The following NOL8 variants were observed in gnomAD, a reference collection of about 807,000 sequenced individuals.
NOL8 encodes nucleolar protein 8.
NOL8 carries 93 observed loss-of-function variants against 116.1 expected under a neutral mutation model. That is an observed-to-expected ratio of 0.80 (90% CI 0.68 to 0.95). The LOEUF is 0.95. Among genes scored for constraint, NOL8 ranks in the 40% least tolerant of loss-of-function variants. The pLI, the probability that NOL8 is intolerant of heterozygous loss-of-function variation, is 0.00. For missense variants in NOL8, 1,291 were observed against 1,382.8 expected (o/e 0.93, Z 1.05); for synonymous variants, 419 against 469.0 (o/e 0.89, Z 1.38).
At position 92,314,945 on chromosome 9, in the gene NOL8, T is replaced by C; in HGVS notation, c.1680A>G (p.Lys560=). 2 of 1,613,954 alleles carry C rather than the reference T, an allele frequency of 1.2e-6. No homozygotes were observed. Among genetic ancestry groups the C allele is most frequent in the Non-Finnish European group, 1.7e-6 (2 of 1,179,890 alleles). ...EGEENTCGKQ[K]PKENNLKPKF... is the part of the protein sequence containing the mutation. ...TTGGCTTTAAATTGTTTTCCTTTGGTTTCTGTTTGCCACAGGTGTTCTCCT... is the reference window on the plus strand; with the variant it reads ...TTGGCTTTAAATTGTTTTCCTTTGGCTTCTGTTTGCCACAGGTGTTCTCCT... Residue 560 remains lysine (K), a synonymous_variant, in exon 7 of 17, where the codon AAA becomes AAG. Transcript: ENST00000442668.
At position 92,310,672 on chromosome 9, in the gene NOL8, A is replaced by G. The variant is rs1235917208; in HGVS notation, c.2476T>C (p.Ser826Pro). 1 of 1,599,968 alleles carries G rather than the reference A, an allele frequency of 6.3e-7. No individual in the cohort carries two copies. Among genetic ancestry groups the G allele is most frequent in the Middle Eastern group, 1.7e-4 (1 of 5,978 alleles). ...AGCTTCCCTGATGTTTTACCCATAG[A>G]CTCCTGTGAAGAAACACAACATTTA... ...SHPGEEWVKE[S>P]MGKTSGKLFD... Residue 826 changes from serine (S) to proline (P), a missense_variant, in exon 9 of 17, where the codon TCT becomes CCT. Transcript: ENST00000442668.
chr9:92,322,408 G>C (rs941281789), intron 3 of NOL8, among the ~76,000 whole-genome samples: 2 of 152,124 alleles, frequency 1.3e-5, no homozygotes, highest in African/African-American at 4.8e-5. Flanking sequence ...TGTCGCCCAG[G>C]CTGGAGTGCA....
chr9:92,306,909 T>A lies in NOL8; in HGVS notation c.2802A>T (p.Gly934=). The A allele has an allele frequency of 6.2e-7, 1 of 1,613,024 alleles. No individual in the cohort carries two copies. The highest frequency in any genetic ancestry group is 8.5e-7 in the Non-Finnish European group (1 of 1,179,432). ...QINLSNSTNR[G]SVAAKKFKDI... ...ACTTAAATTTCTTAGCAGCTACTGATCCTCTGTTTGTAGAATTGCTTAAGT... is the reference window on the plus strand; with the variant it reads ...ACTTAAATTTCTTAGCAGCTACTGAACCTCTGTTTGTAGAATTGCTTAAGT... The change falls in exon 11 of 17, where the codon GGA becomes GGT. Residue 934 remains glycine, a synonymous_variant. Transcript: ENST00000442668.
intron 14 of NOL8, 39 bp downstream of exon 14, chr9:92,299,851 A>G (rs1351841257): frequency 1.9e-6 from 3 of 1,598,622 alleles, no homozygotes; most frequent in Non-Finnish European, 2.6e-6. Context: ...CAGATTTTAC[A>G]AATTATGAAC....
chr9:92,314,771 T>C lies in NOL8; in HGVS notation c.1854A>G (p.Pro618=), dbSNP rs1197469534. The stretch of plus-strand genomic sequence containing the variant: ...CTTCACCTAATGAGCCATTAACATA[T>C]GGGGACCCATCTTCCATGGATATGA... ...PSIISMEDGS[P]YVNGSLGEVT... Residue 618 remains proline (P), a synonymous_variant, in exon 7 of 17, where the codon CCA becomes CCG. Transcript: ENST00000442668. The C allele has an allele frequency of 1.1e-5, 17 of 1,613,748 alleles. No individual in the cohort carries two copies. Among genetic ancestry groups the C allele is most frequent in the Non-Finnish European group, 1.4e-5 (17 of 1,179,864 alleles).
chr9:92,310,150 T>C, intron 10 of NOL8, 21 bp downstream of exon 10: 5 of 1,554,834 alleles, frequency 3.2e-6, no homozygotes, highest in Non-Finnish European at 4.4e-6. Context: ...ACATCAGGAC[T>C]CTGGACAATG....
At chr9:92,299,371 C>T (rs369811136) in intron 14 of NOL8, among the ~76,000 whole-genome samples, 3 of 152,154 alleles carry the variant, frequency 2.0e-5, no homozygotes, top group African/African-American at 7.2e-5. Flanking sequence ...TTTCTATGCA[C>T]AAACTATCTT....
chr9:92,321,703 T>C lies in NOL8; in HGVS notation c.246A>G (p.Leu82=). The change falls in exon 4 of 17, where the codon TTA becomes TTG. Residue 82 remains leucine, a synonymous_variant. Coordinates refer to ENST00000442668, the MANE Select transcript of NOL8 (RefSeq NM_017948.6). The stretch of plus-strand genomic sequence containing the variant: ...AGCTTTCTTTTGCTAGTTGAATTTG[T>C]AATGTTCCACCTTTCCATTTTGTTT... ...LNKTKWKGGT[L]QIQLAKESFL... 2.0e-6 allele frequency: 3 copies of C among 1,534,516 alleles called. No homozygotes were observed. The highest frequency in any genetic ancestry group is 2.5e-5 in the South Asian group (2 of 79,454).
rs773877253 is a variant in NOL8 at position 92,315,040 on chromosome 9, G to A, written c.1585C>T (p.Pro529Ser). The A allele has an allele frequency of 6.2e-7, 1 of 1,614,052 alleles. No homozygotes were observed. Among genetic ancestry groups the A allele is most frequent in the Non-Finnish European group, 8.5e-7 (1 of 1,179,902 alleles). Reference sequence around the variant, plus strand: ...TGTCGGCCTCTGCGGAGGCCAGTGGGAGTCTTGGGGCTCTTGGAGCCTCTG... The same window carrying A: ...TGTCGGCCTCTGCGGAGGCCAGTGGAAGTCTTGGGGCTCTTGGAGCCTCTG... Reference protein sequence around the residue: ...FDRGSKSPKTPTGLRRGRQCI... With the variant: ...FDRGSKSPKTSTGLRRGRQCI... The change falls in exon 7 of 17, where the codon CCC becomes TCC. Residue 529 changes from proline (P) to serine (S), a missense_variant. By Grantham distance (74) the Pro-to-Ser change is moderately conservative (BLOSUM62 -1). Transcript: ENST00000442668.
intron 11 of NOL8, among the ~76,000 whole-genome samples, chr9:92,306,477 G>A (rs371983539): frequency 3.9e-5 from 6 of 152,268 alleles, no homozygotes; most frequent in African/African-American, 1.4e-4. Context: ...GTCACATGTT[G>A]GTGACTGTAA....
chr9:92,312,838 A>AG (rs1346176988), intron 7 of NOL8, among the ~76,000 whole-genome samples: 1 of 150,538 alleles, frequency 6.6e-6, no homozygotes, highest in African/African-American at 2.5e-5. Context: ...AAAAAAAAAA[A>AG]AAAAAAAAAA....
At chr9:92,323,645 T>A in intron 2 of NOL8, 142 bp from the exon 3 acceptor site, 1 of 680,010 alleles carries the variant, frequency 1.5e-6, no homozygotes, top group Non-Finnish European at 2.3e-6. Flanking sequence ...TGTTTTTTAT[T>A]GGCTATAAAA....
chr9:92,312,547 C>A (rs1275611447), intron 7 of NOL8, among the ~76,000 whole-genome samples: 2 of 150,680 alleles, frequency 1.3e-5, no homozygotes, highest in Non-Finnish European at 3.0e-5. Context: ...ACCTATTGGG[C>A]CGGGCACAGT....
In NOL8 at chr9:92,323,467, C is replaced by T. The variant is rs1276786830; in HGVS notation, c.176G>A (p.Ser59Asn). 2 of 1,607,236 alleles carry T rather than the reference C, an allele frequency of 1.2e-6. No homozygotes were observed. The highest frequency in any genetic ancestry group is 2.2e-5 in the South Asian group (2 of 89,910). Residue 59 changes from serine to asparagine, a missense_variant, in exon 3 of 17, where the codon AGT becomes AAT. Coordinates refer to ENST00000442668, the MANE Select transcript of NOL8 (RefSeq NM_017948.6). ...PQKVFAYINI[S>N]VAEADLKKCM... is the part of the protein sequence containing the mutation. ...TTTTTTCAGGTCCGCTTCTGCTACA[C>T]TGATGTTGATATATGCAAAAACTTT... is the stretch of plus-strand genomic sequence containing the variant.
intron 10 of NOL8, among the ~76,000 whole-genome samples, chr9:92,307,742 A>G (rs1380983216): frequency 1.3e-5 from 2 of 152,228 alleles, no homozygotes; most frequent in Non-Finnish European, 1.5e-5. Context: ...GATGCCCCCA[A>G]AGTTTCTAAG....
At chr9:92,300,613 A>T in intron 13 of NOL8, 1 of 997,304 alleles carries the variant, frequency 1.0e-6, no homozygotes, top group Non-Finnish European at 1.2e-6. Context: ...AAAGTTAGAA[A>T]AACTATCGTT....
In NOL8 at chr9:92,301,803, T is replaced by C. The variant is rs7029707; in HGVS notation, c.2923A>G (p.Lys975Glu). The change falls in exon 13 of 17, where the codon AAA (lysine) becomes GAA (glutamate). Residue 975 changes from lysine to glutamate, a missense_variant. Lys to Glu is a moderately conservative substitution (Grantham distance 56). Coordinates refer to ENST00000442668, the MANE Select transcript of NOL8 (RefSeq NM_017948.6). ...PKESKAKRKK[K>E]REEAEKLPEV... ...GGTAGTTTCTCAGCTTCCTCCCTTT[T>C]CTTTTTTCGTTTTGCTTTACTGAAA... 6.3e-7 allele frequency: 1 copy of C among 1,590,440 alleles called. No individual in the cohort carries two copies. The highest frequency in any genetic ancestry group is 8.6e-7 in the Non-Finnish European group (1 of 1,167,558).
At chr9:92,309,441 G>A (rs533625376) in intron 10 of NOL8, among the ~76,000 whole-genome samples, 79 of 152,150 alleles carry the variant, frequency 5.2e-4, no homozygotes, top group Non-Finnish European at 9.6e-4. Context: ...GTGATGAAAG[G>A]AGTAATAGGA....
At chr9:92,324,431 A>T (rs1840257103) in intron 1 of NOL8, 1 of 322,998 alleles carries the variant, frequency 3.1e-6, no homozygotes, top group Non-Finnish European at 5.7e-6. Context: ...AGACACAGGT[A>T]CAGACAGAGT....
Sources: allele counts gnomAD v4.1 joint callset (sites outside exome capture counted in the v4.1 genomes callset), GRCh38; gene constraint gnomAD v4.1.1; transcripts MANE v1.5; gene names NCBI Gene and HGNC (gene_info 2026-07-23, HGNC 2026-07-21).